MTUS2: variants seen among roughly 807,000 people sequenced by gnomAD.
MTUS2 encodes microtubule-associated tumor suppressor candidate 2.
In MTUS2, 40 loss-of-function variants were observed where a neutral mutation model predicts 114.1. That is an observed-to-expected ratio of 0.35 (90% CI 0.27 to 0.46). The LOEUF (loss-of-function observed/expected upper bound fraction) is 0.46, where lower values mean the gene tolerates loss of function less well. Among genes scored for constraint, MTUS2 ranks in the 20% least tolerant of loss-of-function variants. MTUS2 has a pLI of 1.00. For missense variants in MTUS2, 1,679 were observed against 1,705.4 expected, an observed-to-expected ratio of 0.98 and a Z score of 0.27; for synonymous variants, 688 against 672.0, an observed-to-expected ratio of 1.02 and a Z score of -0.37.
At chr13:28,921,175 T>G (rs1881022059) in intron 2 of MTUS2, among the ~76,000 whole-genome samples, 1 of 152,172 alleles carries the variant, frequency 6.6e-6, no homozygotes, top group Non-Finnish European at 1.5e-5. Flanking sequence ...AGCCAGCACA[T>G]CTCAGAGCCC....
chr13:28,933,151 ACACACACACACAGATT>A (rs1293311687), intron 2 of MTUS2, among the ~76,000 whole-genome samples: 86 of 151,246 alleles, frequency 5.7e-4, no homozygotes, highest in South Asian at 1.7e-3. Flanking sequence ...ACACACACAC[ACACACACACACAGATT>A]GATTGATCTG....
upstream of MTUS2, chr13:28,820,240 CCGGCCCT>C (rs1322337355): frequency 6.8e-6 from 1 of 146,736 alleles, no homozygotes; most frequent in Non-Finnish European, 1.5e-5. Flanking sequence ...CGGCTGCGCC[CCGGCCCT>C]CGAGCGGGGG....
intron 4 of MTUS2, among the ~76,000 whole-genome samples, chr13:29,074,992 A>G (rs1889119442): frequency 6.6e-6 from 1 of 152,218 alleles, no homozygotes. Flanking sequence ...GAAACTTATC[A>G]ATATACTGTC....
chr13:29,235,283 G>C (rs1019287959), intron 5 of MTUS2, among the ~76,000 whole-genome samples: 3 of 152,138 alleles, frequency 2.0e-5, no homozygotes, highest in Middle Eastern at 3.4e-3. Flanking sequence ...GGTAGAGATG[G>C]GGTTTCTCCA....
intron 4 of MTUS2, among the ~76,000 whole-genome samples, chr13:29,084,316 A>G (rs1390415981): frequency 6.6e-6 from 1 of 151,048 alleles, no homozygotes; most frequent in Non-Finnish European, 1.5e-5. Context: ...TTCCTGTCTC[A>G]TATCTGGTTG....
At chr13:28,842,315 T>C (rs1223980382) in intron 2 of MTUS2, among the ~76,000 whole-genome samples, 1 of 152,182 alleles carries the variant, frequency 6.6e-6, no homozygotes, top group East Asian at 1.9e-4. Flanking sequence ...TTTAGCTGTC[T>C]GTTCTACTTT....
chr13:29,481,984 C>A (rs1881220284), intron 10 of MTUS2: 1 of 152,214 alleles, frequency 6.6e-6, no homozygotes, highest in South Asian at 2.1e-4. Context: ...CTGCTGTCTA[C>A]AGTCTTACTC....
At chr13:28,956,507 T>G (rs1440638158) in intron 2 of MTUS2, among the ~76,000 whole-genome samples, 3 of 152,150 alleles carry the variant, frequency 2.0e-5, no homozygotes, top group Non-Finnish European at 4.4e-5. Context: ...AGCCTCTTTT[T>G]TCAAAAAGGA....
At chr13:28,865,896 A>T (rs985686528) in intron 2 of MTUS2, among the ~76,000 whole-genome samples, 1 of 152,154 alleles carries the variant, frequency 6.6e-6, no homozygotes, top group Non-Finnish European at 1.5e-5. Context: ...AGTGAGACAA[A>T]CTGTTCTCTG....
intron 7 of MTUS2, among the ~76,000 whole-genome samples, chr13:29,329,981 T>A (rs150770360): frequency 0.035 from 5,336 of 152,232 alleles, 292 homozygotes; most frequent in African/African-American, 0.12. Flanking sequence ...AATTGTTGGG[T>A]CAAATGGTAT....
chr13:28,966,357 C>A (rs1883582081), intron 2 of MTUS2, among the ~76,000 whole-genome samples: 1 of 152,088 alleles, frequency 6.6e-6, no homozygotes. Flanking sequence ...ACATTCTTTG[C>A]TTTGGAAATA....
chr13:29,240,195 C>A (rs566927797), intron 5 of MTUS2: 125 of 152,262 alleles, frequency 8.2e-4, no homozygotes, highest in African/African-American at 3.0e-3. Flanking sequence ...CCATGAGAGT[C>A]AGTTAACATG....
At chr13:29,334,522 A>G (rs1309699647) in intron 7 of MTUS2, among the ~76,000 whole-genome samples, 1 of 152,150 alleles carries the variant, frequency 6.6e-6, no homozygotes, top group East Asian at 1.9e-4. Flanking sequence ...CATGTTGAAT[A>G]TTGGCCCACA....
intron 5 of MTUS2, among the ~76,000 whole-genome samples, chr13:29,189,996 C>G (rs1035940408): frequency 6.6e-6 from 1 of 152,174 alleles, no homozygotes; most frequent in Non-Finnish European, 1.5e-5. Flanking sequence ...ATAGATTGCT[C>G]TTCCCTTCAG....
At position 29,389,554 on chromosome 13, in the gene MTUS2, CGT is replaced by C. The variant is rs1321675584; in HGVS notation, c.3117+30086_3117+30087del. Among the ~76,000 whole-genome samples, 184 of 68,132 alleles carry C rather than the reference CGT, an allele frequency of 2.7e-3. 48 individuals carry two copies. Among genetic ancestry groups the C allele is most frequent in the African/African-American group, 9.9e-3 (160 of 16,236 alleles). 44.7% of individuals were successfully genotyped at this position (68,132 alleles called of 152,430 possible). ...GTATACACGTGTGTATATGTATACACGTGTGTATATGTGTACATATGTGTGTA... is the reference window on the plus strand; with the variant it reads ...GTATACACGTGTGTATATGTATACACGTGTATATGTGTACATATGTGTGTA... On this transcript the variant is annotated intron_variant, in intron 8 of 15. Coordinates refer to ENST00000612955, the MANE Select transcript of MTUS2 (RefSeq NM_001033602.4).
intron 8 of MTUS2, among the ~76,000 whole-genome samples, chr13:29,406,465 C>A (rs780430101): frequency 5.9e-5 from 9 of 152,186 alleles, no homozygotes; most frequent in African/African-American, 9.7e-5. Context: ...AATTCCTCAC[C>A]ACAGGGGCTT....
rs528714111 is a variant in MTUS2 at position 28,981,420 on chromosome 13, G to A, written c.-242-43037G>A. On this transcript the variant is annotated intron_variant, in intron 2 of 15. Transcript: ENST00000612955. Reference sequence around the variant, plus strand: ...TGAGGGCACAGGGAGGGTTGACTACGAAGGAGCTGGAGGAAATTTTGGAGG... The same window carrying A: ...TGAGGGCACAGGGAGGGTTGACTACAAAGGAGCTGGAGGAAATTTTGGAGG... Among the ~76,000 whole-genome samples the A allele has an allele frequency of 4.6e-5, 7 of 152,276 alleles. No individual in the cohort carries two copies. The South Asian group carries it at 1.2e-3, about 27-fold the overall frequency.
intron 8 of MTUS2, among the ~76,000 whole-genome samples, chr13:29,392,378 T>C (rs1209450299): frequency 6.6e-6 from 1 of 152,132 alleles, no homozygotes; most frequent in Admixed American, 6.6e-5. Flanking sequence ...CTTCAAGGTT[T>C]GTTCAGTTGC....
intron 9 of MTUS2, among the ~76,000 whole-genome samples, chr13:29,443,486 GA>G (rs536162288): frequency 3.2e-3 from 492 of 152,320 alleles, no homozygotes; most frequent in Middle Eastern, 0.01. Flanking sequence ...GCCAAGAATA[GA>G]ACCAGAATTA....
Sources: gnomAD v4.1 joint callset for allele counts (sites outside exome capture counted in the v4.1 genomes callset) on GRCh38, gnomAD v4.1.1 for gene constraint, MANE v1.5 for transcripts, NCBI Gene and HGNC (gene_info 2026-07-23, HGNC 2026-07-21) for gene names.